MYT1L: variants seen among roughly 807,000 people sequenced by gnomAD.
MYT1L encodes myelin transcription factor 1 like, also known as myelin transcription factor 1-like protein.
Under a neutral mutation model 126.7 loss-of-function variants are expected in MYT1L, and 12 were observed. The ratio of observed to expected loss-of-function variants is 0.09; its 90% CI spans 0.06 to 0.15. MYT1L has a LOEUF of 0.15. Among genes scored for constraint, MYT1L ranks in the 10% least tolerant of loss-of-function variants. The pLI, the probability that MYT1L is intolerant of heterozygous loss-of-function variation, is 1.00. For synonymous variants in MYT1L, 541 were observed against 604.2 expected, an observed-to-expected ratio of 0.90 and a Z score of 1.53; for missense variants, 979 against 1,585.2, an observed-to-expected ratio of 0.62 and a Z score of 6.49.
Position 1,923,123 on chromosome 2 carries a change from C to T in MYT1L, c.646G>A (p.Ala216Thr). Residue 216 changes from alanine (A) to threonine (T), a missense_variant, in exon 10 of 25, where the codon GCC (alanine) becomes ACC (threonine). By Grantham distance (58) the Ala-to-Thr change is moderately conservative. Coordinates refer to ENST00000647738, the MANE Select transcript of MYT1L (RefSeq NM_001303052.2). ...TCTGACTCAGTCCTGGCCCGGTAGG[C>T]TGCATCCTCAGCGATTTTGCCGAGG... ...LNLGKIAEDA[A>T]YRARTESEMN... is the part of the protein sequence containing the mutation. 6.2e-7 allele frequency: 1 copy of T among 1,614,064 alleles called. No individual in the cohort carries two copies. The highest frequency in any genetic ancestry group is 8.5e-7 in the Non-Finnish European group (1 of 1,179,910).
At chr2:2,153,889 C>T (rs970960068) in intron 3 of MYT1L, among the ~76,000 whole-genome samples, 3 of 152,012 alleles carry the variant, frequency 2.0e-5, no homozygotes, top group African/African-American at 4.8e-5. Flanking sequence ...GAGGAACCCC[C>T]GGGTGCAGCG....
At chr2:1,891,420 G>A (rs2048862650) in intron 15 of MYT1L, among the ~76,000 whole-genome samples, 1 of 152,158 alleles carries the variant, frequency 6.6e-6, no homozygotes, top group Admixed American at 6.5e-5. Flanking sequence ...CATCTTAAAC[G>A]CTCTCTCTCC....
chr2:2,110,446 C>T (rs554143287), intron 3 of MYT1L, among the ~76,000 whole-genome samples: 82 of 152,176 alleles, frequency 5.4e-4, no homozygotes, highest in Non-Finnish European at 9.7e-4. Flanking sequence ...GTTTTTACCA[C>T]TTCAGAATAA....
At chr2:2,081,029 T>A (rs997877775) in intron 3 of MYT1L, among the ~76,000 whole-genome samples, 4 of 152,222 alleles carry the variant, frequency 2.6e-5, no homozygotes, top group Non-Finnish European at 5.9e-5. Context: ...GGGTGACCAC[T>A]AATGGGTCCA....
At chr2:1,892,669 C>T (rs548115341) in intron 14 of MYT1L, among the ~76,000 whole-genome samples, 18 of 151,966 alleles carry the variant, frequency 1.2e-4, no homozygotes, top group Non-Finnish European at 2.4e-4. Context: ...GAATTCCAGC[C>T]CAGTCAAATC....
chr2:1,859,722 A>G (rs1253645700), intron 18 of MYT1L, among the ~76,000 whole-genome samples: 1 of 152,240 alleles, frequency 6.6e-6, no homozygotes, highest in Non-Finnish European at 1.5e-5. Context: ...TCCAGTGCCT[A>G]TATTAGCACT....
intron 9 of MYT1L, among the ~76,000 whole-genome samples, chr2:1,935,948 T>C (rs1451370712): frequency 6.6e-6 from 1 of 152,258 alleles, no homozygotes; most frequent in African/African-American, 2.4e-5. Context: ...GATGGAGTTT[T>C]GCTCTTGTCA....
intron 4 of MYT1L, among the ~76,000 whole-genome samples, chr2:2,039,918 C>T (rs546125839): frequency 6.6e-6 from 1 of 152,196 alleles, no homozygotes; most frequent in Middle Eastern, 3.4e-3. Context: ...CTGCAAGAAG[C>T]GAGGTGGCTA....
intron 22 of MYT1L, among the ~76,000 whole-genome samples, chr2:1,802,155 GC>G (rs1362828690): frequency 6.6e-6 from 1 of 152,122 alleles, no homozygotes; most frequent in Admixed American, 6.6e-5. Flanking sequence ...GTTTTCTCCT[GC>G]TTTTGTTCTC....
chr2:2,004,528 T>C (rs533092634), intron 4 of MYT1L, among the ~76,000 whole-genome samples: 3 of 147,504 alleles, frequency 2.0e-5, no homozygotes, highest in South Asian at 2.3e-4. Context: ...ATTTCCTGCA[T>C]ACGTTCTTTC....
intron 1 of MYT1L, among the ~76,000 whole-genome samples, chr2:2,290,048 C>G (rs2095576605): frequency 6.6e-6 from 1 of 152,252 alleles, no homozygotes. Context: ...TGTTCTGACA[C>G]TGGCCTTGGC....
At chr2:2,082,757 T>C (rs2075973958) in intron 3 of MYT1L, among the ~76,000 whole-genome samples, 1 of 152,146 alleles carries the variant, frequency 6.6e-6, no homozygotes, top group Admixed American at 6.5e-5. Context: ...CTCTTTGAAA[T>C]TTCCCAAGTT....
intron 14 of MYT1L, among the ~76,000 whole-genome samples, chr2:1,896,192 T>C (rs551419828): frequency 1.3e-5 from 2 of 152,276 alleles, no homozygotes; most frequent in East Asian, 3.9e-4. Context: ...AAACAGCAGA[T>C]GCTGGAGAGG....
chr2:2,210,271 T>C (rs1356269934), intron 2 of MYT1L, among the ~76,000 whole-genome samples: 1 of 152,228 alleles, frequency 6.6e-6, no homozygotes, highest in African/African-American at 2.4e-5. Flanking sequence ...TTTGTCGATT[T>C]CTGCTTTGGT....
intron 18 of MYT1L, among the ~76,000 whole-genome samples, chr2:1,862,001 C>T (rs191182921): frequency 6.9e-4 from 6 of 8,692 alleles, no homozygotes; most frequent in Non-Finnish European, 1.4e-3. Context: ...TCCTGGAATT[C>T]GCTGAGATTT....
chr2:2,287,798 G>A (rs1026726817), intron 1 of MYT1L, among the ~76,000 whole-genome samples: 8 of 152,182 alleles, frequency 5.3e-5, no homozygotes, highest in Admixed American at 3.3e-4. Context: ...GTTTTAGGCA[G>A]AAGAGAAGCA....
At chr2:2,262,393 A>C (rs114439675) in intron 2 of MYT1L, among the ~76,000 whole-genome samples, 2,156 of 151,862 alleles carry the variant, frequency 0.014, 44 homozygotes, top group African/African-American at 0.045. Flanking sequence ...ACAACAACAA[A>C]AAAAAACCAA....
intron 8 of MYT1L, among the ~76,000 whole-genome samples, chr2:1,959,986 T>C (rs190123341): frequency 1.1e-3 from 174 of 152,352 alleles, no homozygotes; most frequent in African/African-American, 4.1e-3. Context: ...CTACTATTTA[T>C]TATCTTTTTA....
intron 3 of MYT1L, among the ~76,000 whole-genome samples, chr2:2,155,454 T>C (rs2086571998): frequency 6.6e-6 from 1 of 152,204 alleles, no homozygotes; most frequent in African/African-American, 2.4e-5. Flanking sequence ...TGGTGGTCTA[T>C]TATGTGTCAG....
Sources: allele counts gnomAD v4.1 joint callset (sites outside exome capture counted in the v4.1 genomes callset), GRCh38; gene constraint gnomAD v4.1.1; transcripts MANE v1.5; gene names NCBI Gene and HGNC (gene_info 2026-07-23, HGNC 2026-07-21).